Variants in QKI observed in about 807,000 individuals in gnomAD.
QKI encodes KH domain-containing RNA-binding protein QKI.
A neutral mutation model predicts 39.0 loss-of-function variants in QKI; 10 were observed. That is an observed-to-expected ratio of 0.26 (90% CI 0.16 to 0.43). The LOEUF (loss-of-function observed/expected upper bound fraction) is 0.43. QKI is among the 20% of genes least tolerant of loss of function. The pLI is 1.00. For synonymous variants in QKI, 204 were observed against 155.4 expected, an observed-to-expected ratio of 1.31 and a Z score of -2.33; for missense variants, 218 against 428.0, an observed-to-expected ratio of 0.51 and a Z score of 4.33.
intron 1 of QKI, among the ~76,000 whole-genome samples, chr6:163,452,075 T>C (rs560949371): frequency 6.6e-6 from 1 of 152,292 alleles, no homozygotes; most frequent in East Asian, 1.9e-4. Flanking sequence ...AGTTCATTCA[T>C]TGAATAAGTA....
At chr6:163,446,165 T>TC (rs1318531707) in intron 1 of QKI, among the ~76,000 whole-genome samples, 4 of 152,308 alleles carry the variant, frequency 2.6e-5, no homozygotes, top group African/African-American at 9.6e-5. Flanking sequence ...CTGTCCCCTT[T>TC]CCCCCTTGTA....
chr6:163,418,094 C>CT (rs919609202), intron 1 of QKI, among the ~76,000 whole-genome samples: 2,177 of 140,832 alleles, frequency 0.015, 26 homozygotes, highest in Non-Finnish European at 0.019. Context: ...TTAGGCATTA[C>CT]TTTTTTTTTT....
chr6:163,471,591 G>A (rs183133426), intron 2 of QKI, among the ~76,000 whole-genome samples: 6 of 152,092 alleles, frequency 3.9e-5, no homozygotes, highest in African/African-American at 1.4e-4. Flanking sequence ...GAACATTAAT[G>A]TTTGATAAGT....
At chr6:163,546,278 C>T (rs1204008505) in intron 4 of QKI, among the ~76,000 whole-genome samples, 1 of 151,168 alleles carries the variant, frequency 6.6e-6, no homozygotes, top group South Asian at 2.1e-4. Flanking sequence ...GTTTGCATGC[C>T]CTTCTGATGG....
intron 2 of QKI, among the ~76,000 whole-genome samples, chr6:163,476,699 CAGTG>C (rs1344807396): frequency 6.6e-6 from 1 of 152,160 alleles, no homozygotes; most frequent in African/African-American, 2.4e-5. Context: ...CTGCAAAACT[CAGTG>C]TGTGAGTGTC....
At chr6:163,475,778 G>C (rs1347486209) in intron 2 of QKI, among the ~76,000 whole-genome samples, 1 of 152,160 alleles carries the variant, frequency 6.6e-6, no homozygotes, top group Non-Finnish European at 1.5e-5. Flanking sequence ...AAAGCTTCTA[G>C]AAGATAACAC....
At chr6:163,507,139 T>C (rs1359193374) in intron 3 of QKI, among the ~76,000 whole-genome samples, 1 of 152,198 alleles carries the variant, frequency 6.6e-6, no homozygotes, top group Non-Finnish European at 1.5e-5. Flanking sequence ...CTAAAAGTTA[T>C]GCCTGTCACC....
At chr6:163,462,790 C>A (rs1562457369) in intron 2 of QKI, among the ~76,000 whole-genome samples, 3 of 152,004 alleles carry the variant, frequency 2.0e-5, no homozygotes, top group African/African-American at 7.2e-5. Context: ...TAGCCACAAT[C>A]CTGGTATGGA....
intron 3 of QKI, among the ~76,000 whole-genome samples, chr6:163,512,980 C>T (rs1779574554): frequency 6.6e-6 from 1 of 152,118 alleles, no homozygotes; most frequent in Non-Finnish European, 1.5e-5. Flanking sequence ...TTTTGCTTTT[C>T]ATGGTTTCAG....
At chr6:163,513,749 T>G (rs560397554) in intron 3 of QKI, among the ~76,000 whole-genome samples, 1 of 152,270 alleles carries the variant, frequency 6.6e-6, no homozygotes, top group African/African-American at 2.4e-5. Context: ...CGCCTAAGAT[T>G]TTTATCTTGT....
In QKI at chr6:163,472,412, G is replaced by A. The variant is rs200111671; in HGVS notation, c.286-6368G>A. Among the ~76,000 whole-genome samples, 13 of 152,096 alleles carry A rather than the reference G, an allele frequency of 8.5e-5. No homozygotes were observed. The East Asian group carries it at 2.5e-3, about 29-fold the overall frequency. Reference sequence around the variant, plus strand: ...GGCAGAGGCAGAAGGAGGTGATGGAGGTGGGAGGGGTGTCATACTTGGTGT... The same window carrying A: ...GGCAGAGGCAGAAGGAGGTGATGGAAGTGGGAGGGGTGTCATACTTGGTGT... On this transcript the variant is annotated intron_variant, in intron 2 of 7. Coordinates refer to ENST00000361752, the MANE Select transcript of QKI (RefSeq NM_006775.3).
intron 3 of QKI, among the ~76,000 whole-genome samples, chr6:163,534,098 C>T (rs1356263486): frequency 6.6e-6 from 1 of 151,992 alleles, no homozygotes; most frequent in Non-Finnish European, 1.5e-5. Context: ...CTTATATATT[C>T]TTATTTTATT....
At chr6:163,483,648 C>G (rs1793251261) in intron 3 of QKI, among the ~76,000 whole-genome samples, 1 of 152,204 alleles carries the variant, frequency 6.6e-6, no homozygotes, top group South Asian at 2.1e-4. Context: ...GGCTACACTT[C>G]TAATTCTAGT....
At chr6:163,565,282 C>A (rs944292179) in intron 6 of QKI, 10 of 986,526 alleles carry the variant, frequency 1.0e-5, no homozygotes, top group African/African-American at 5.2e-5. Context: ...TCCCAGAACT[C>A]CTCTCTGCTG....
intron 1 of QKI, among the ~76,000 whole-genome samples, chr6:163,418,513 G>GGTGT (rs1488320960): frequency 6.6e-6 from 1 of 151,896 alleles, no homozygotes; most frequent in African/African-American, 2.4e-5. Context: ...TGGTGGTGGG[G>GGTGT]GTGTGTGTGC....
chr6:163,494,009 TA>T (rs1778236221), intron 3 of QKI, among the ~76,000 whole-genome samples: 1 of 152,040 alleles, frequency 6.6e-6, no homozygotes, highest in South Asian at 2.1e-4. Context: ...ACATGCAGAA[TA>T]ATTACAAGGC....
At chr6:163,470,743 C>T (rs1486230055) in intron 2 of QKI, among the ~76,000 whole-genome samples, 1 of 152,046 alleles carries the variant, frequency 6.6e-6, no homozygotes, top group Non-Finnish European at 1.5e-5. Flanking sequence ...TATTTACCTA[C>T]TATTAACAGG....
chr6:163,567,078 T>C, intron 7 of QKI: 1 of 1,077,296 alleles, frequency 9.3e-7, no homozygotes. Flanking sequence ...TATTAAATTT[T>C]GATGTTGCCT....
chr6:163,570,443 A>G (rs1159139951), intron 7 of QKI: 5 of 843,220 alleles, frequency 5.9e-6, no homozygotes, highest in Non-Finnish European at 7.0e-6. Flanking sequence ...CTTGTTAACC[A>G]GTTTTTTTTT....
Sources: gnomAD v4.1 joint callset for allele counts (sites outside exome capture counted in the v4.1 genomes callset) on GRCh38, gnomAD v4.1.1 for gene constraint, MANE v1.5 for transcripts, NCBI Gene and HGNC (gene_info 2026-07-23, HGNC 2026-07-21) for gene names.